Variants in PDLIM7 observed in about 807,000 individuals in gnomAD.
PDLIM7 encodes the protein PDZ and LIM domain 7, also known as PDZ and LIM domain protein 7.
Under a neutral mutation model 53.9 loss-of-function variants are expected in PDLIM7, and 37 were observed. That is an observed-to-expected ratio of 0.69 (90% confidence interval 0.53 to 0.90). The LOEUF (loss-of-function observed/expected upper bound fraction) is 0.90, where lower values mean the gene tolerates loss of function less well. Among genes scored for constraint, PDLIM7 ranks in the 40% least tolerant of loss-of-function variants. The pLI is 0.00. For synonymous variants in PDLIM7, 300 were observed against 261.3 expected (o/e 1.15, Z -1.43); for missense variants, 617 against 638.5 (o/e 0.97, Z 0.36).
intron 4 of PDLIM7, 27 bp from the exon 5 acceptor site, chr5:177,491,952 CG>C: frequency 1.0e-5 from 1 of 99,464 alleles, no homozygotes. Flanking sequence ...CCGGGCAGGG[CG>C]GGCGGGCAGG....
chr5:177,489,959 G>T (rs908923835), intron 7 of PDLIM7, 127 bp from the exon 8 acceptor site: 1 of 1,536,358 alleles, frequency 6.5e-7, no homozygotes, highest in African/African-American at 1.4e-5. Flanking sequence ...TTGGATTCCA[G>T]GTCCCACTGG....
intron 4 of PDLIM7, chr5:177,492,146 G>A (rs1758829619): frequency 3.3e-6 from 2 of 603,546 alleles, no homozygotes; most frequent in Non-Finnish European, 5.8e-6. Flanking sequence ...GGCTGACCGA[G>A]TGCGGGCGAG....
At chr5:177,484,037 C>T (rs780244626) in intron 11 of PDLIM7, 33 bp downstream of exon 11, 4 of 1,613,448 alleles carry the variant, frequency 2.5e-6, no homozygotes, top group Non-Finnish European at 3.4e-6. Flanking sequence ...CCCCATGCAC[C>T]ATCCCTCCTC....
Position 177,483,670 on chromosome 5 carries a change from T to C in PDLIM7, c.1348A>G (p.Lys450Glu). 1 of 1,612,706 alleles carries C rather than the reference T, an allele frequency of 6.2e-7. No individual in the cohort carries two copies. Among genetic ancestry groups the C allele is most frequent in the Non-Finnish European group, 8.5e-7 (1 of 1,178,828 alleles). ...FYSKKDRPLC[K>E]SHAFSHV is the part of the protein sequence containing the mutation. ...CACACATGAGAGAAGGCATGGCTCT[T>C]GCAGAGAGGCCTGTCCTTCTTGGAG... The change falls in exon 13 of 13, where the codon AAG (lysine) becomes GAG (glutamate). Residue 450 changes from lysine (K) to glutamate (E), a missense_variant. Transcript: ENST00000355841.
At chr5:177,490,467 A>C in intron 7 of PDLIM7, 1 of 1,543,694 alleles carries the variant, frequency 6.5e-7, no homozygotes, top group Non-Finnish European at 8.7e-7. Flanking sequence ...AGAGGGAGGC[A>C]GAGAGGGCAG....
intron 2 of PDLIM7, among the ~76,000 whole-genome samples, chr5:177,493,354 T>C (rs1456849947): frequency 6.6e-6 from 1 of 152,208 alleles, no homozygotes; most frequent in Non-Finnish European, 1.5e-5. Flanking sequence ...CGACTGCCAA[T>C]TTCCCCTGAC....
At chr5:177,490,964 G>A in intron 6 of PDLIM7, 46 bp downstream of exon 6, 1 of 1,614,018 alleles carries the variant, frequency 6.2e-7, no homozygotes, top group Non-Finnish European at 8.5e-7. Flanking sequence ...GATCACGCCT[G>A]GGCTGGGGGC....
intron 2 of PDLIM7, 113 bp from the exon 3 acceptor site, chr5:177,492,790 C>G: frequency 1.7e-6 from 2 of 1,198,770 alleles, no homozygotes; most frequent in African/African-American, 3.0e-5. Context: ...ACCCAGAGAG[C>G]TCTTCATTCA....
chr5:177,497,038 A>AG (rs1759123648), intron 1 of PDLIM7, among the ~76,000 whole-genome samples: 2 of 95,846 alleles, frequency 2.1e-5, no homozygotes, highest in South Asian at 4.2e-4. Flanking sequence ...AGGGGAGGGG[A>AG]GGGGAGGGAG....
chr5:177,483,663 T>A lies in PDLIM7; in HGVS notation c.1355A>T (p.His452Leu). The A allele has an allele frequency of 6.2e-7, 1 of 1,611,084 alleles. No individual in the cohort carries two copies. Among genetic ancestry groups the A allele is most frequent in the Non-Finnish European group, 8.5e-7 (1 of 1,177,454 alleles). The change falls in exon 13 of 13, where the codon CAT becomes CTT. Residue 452 changes from histidine to leucine, a missense_variant. Physicochemically the swap from His to Leu is moderately conservative, Grantham distance 99 (BLOSUM62 -3). Transcript: ENST00000355841. ...AGGGGCTCACACATGAGAGAAGGCA[T>A]GGCTCTTGCAGAGAGGCCTGTCCTT... Reference protein sequence around the residue: ...SKKDRPLCKSHAFSHV With the variant: ...SKKDRPLCKSLAFSHV
intron 9 of PDLIM7, among the ~76,000 whole-genome samples, chr5:177,488,668 A>C (rs2630759): frequency 0.46 from 70,490 of 151,934 alleles, 16,857 homozygotes; most frequent in East Asian, 0.63. Flanking sequence ...CAGGCCTGAG[A>C]TCACCTGAGG....
At chr5:177,487,316 C>T (rs976739610) in intron 10 of PDLIM7, among the ~76,000 whole-genome samples, 11 of 152,234 alleles carry the variant, frequency 7.2e-5, no homozygotes, top group Non-Finnish European at 1.3e-4. Context: ...TCCCAGCCTC[C>T]GTTGCCACTG....
intron 8 of PDLIM7, 26 bp from the exon 9 acceptor site, chr5:177,489,653 G>T: frequency 6.5e-7 from 1 of 1,543,552 alleles, no homozygotes; most frequent in South Asian, 1.2e-5. Flanking sequence ...ACTCTAAAGG[G>T]GTGCCCAGGG....
chr5:177,483,638 A>AG lies in PDLIM7; in HGVS notation c.*5dup. ...GGCCACCGCGGCAGCTGTGGGCAGA[A>AG]GGGGCTCACACATGAGAGAAGGCAT... On this transcript the variant is annotated 3_prime_UTR_variant, in exon 13 of 13. Transcript: ENST00000355841. 6.3e-7 allele frequency: 1 copy of AG among 1,599,290 alleles called. No homozygotes were observed. The highest frequency in any genetic ancestry group is 1.3e-5 in the African/African-American group (1 of 74,780).
At chr5:177,486,931 CTTTTTTTTTTTTTTTTTTTTTT>C (rs60583245) in intron 10 of PDLIM7, among the ~76,000 whole-genome samples, 83 of 48,732 alleles carry the variant, frequency 1.7e-3, no homozygotes, top group Non-Finnish European at 2.8e-3. Flanking sequence ...GTGCCTGGCC[CTTTTTTTTTTTTTTTTTTTTTT>C]TTTTTTTTTT....
At chr5:177,491,773 T>C (rs942843383) in intron 5 of PDLIM7, 34 bp downstream of exon 5, 18 of 1,034,476 alleles carry the variant, frequency 1.7e-5, no homozygotes, top group Non-Finnish European at 2.2e-5. Flanking sequence ...GTGGGCCTGA[T>C]GGCGTGGGCG....
In PDLIM7 at chr5:177,490,600, G is replaced by A. The variant is rs747722751; in HGVS notation, c.572+270C>T. The stretch of plus-strand genomic sequence containing the variant: ...CTCCAGGACATACTTTTCCCTGAGG[G>A]GCAGAGAGAGAGGGAGGAAGAAGTG... On this transcript the variant is annotated intron_variant, in intron 7 of 12. Transcript: ENST00000355841. 22 of 1,546,830 alleles carry A rather than the reference G, an allele frequency of 1.4e-5. No homozygotes were observed. The South Asian group carries it at 1.5e-4, about 11-fold the overall frequency.
At chr5:177,496,132 CCATCCTGCACAATGAG>C (rs1561707446) in intron 2 of PDLIM7, among the ~76,000 whole-genome samples, 1 of 152,160 alleles carries the variant, frequency 6.6e-6, no homozygotes, top group African/African-American at 2.4e-5. Context: ...TGTTAGGCTC[CCATCCTGCACAATGAG>C]CCTCCCTCCA....
At chr5:177,488,293 TG>T (rs1299305782) in intron 9 of PDLIM7, 45 bp from the exon 10 acceptor site, 10 of 1,517,188 alleles carry the variant, frequency 6.6e-6, no homozygotes, top group Non-Finnish European at 8.0e-6. Context: ...CGCAGAGAGG[TG>T]GGGGTCTTGG....
Sources: gnomAD v4.1 joint callset for allele counts (sites outside exome capture counted in the v4.1 genomes callset) on GRCh38, gnomAD v4.1.1 for gene constraint, MANE v1.5 for transcripts, NCBI Gene and HGNC (gene_info 2026-07-23, HGNC 2026-07-21) for gene names.